IQCM: variants seen among roughly 807,000 people sequenced by gnomAD.
The protein encoded by IQCM is IQ motif containing M, also known as IQ domain-containing protein M.
IQCM carries 45 observed loss-of-function variants against 57.6 expected under a neutral mutation model. The ratio of observed to expected loss-of-function variants is 0.78; its 90% CI spans 0.62 to 1.00. The LOEUF is 1.00. Ranked by LOEUF, IQCM falls within the 50% of genes least tolerant of loss-of-function variation. The pLI, the probability that IQCM is intolerant of heterozygous loss-of-function variation, is 0.00. For missense variants in IQCM, 468 were observed against 511.6 expected (o/e 0.91, Z 0.82); for synonymous variants, 148 against 158.9 (o/e 0.93, Z 0.51).
intron 7 of IQCM, among the ~76,000 whole-genome samples, chr4:149,637,112 C>T (rs1014268065): frequency 7.0e-5 from 10 of 143,040 alleles, no homozygotes; most frequent in African/African-American, 2.6e-4. Flanking sequence ...CACTGCAGTC[C>T]GCAGTCCGGC....
chr4:149,502,417 C>T (rs942998851), intron 12 of IQCM, among the ~76,000 whole-genome samples: 14 of 152,178 alleles, frequency 9.2e-5, no homozygotes, highest in African/African-American at 3.4e-4. Context: ...GATTTAAACC[C>T]AACACTTTGG....
chr4:149,726,739 A>G (rs1765978642), intron 5 of IQCM, among the ~76,000 whole-genome samples: 1 of 152,134 alleles, frequency 6.6e-6, no homozygotes, highest in South Asian at 2.1e-4. Flanking sequence ...TGAAGATTTA[A>G]TATGAAAAAT....
intron 13 of IQCM, among the ~76,000 whole-genome samples, chr4:149,407,961 C>T (rs1002563926): frequency 5.3e-5 from 8 of 152,140 alleles, no homozygotes; most frequent in Non-Finnish European, 1.0e-4. Flanking sequence ...TTCCCACCTA[C>T]AGTGTATAAG....
intron 12 of IQCM, among the ~76,000 whole-genome samples, chr4:149,510,273 C>G (rs546209592): frequency 1.3e-5 from 2 of 152,196 alleles, no homozygotes; most frequent in Non-Finnish European, 2.9e-5. Context: ...ATGTACTCTT[C>G]TGGGAAATTC....
intron 8 of IQCM, among the ~76,000 whole-genome samples, chr4:149,590,760 G>A (rs1753079378): frequency 6.6e-6 from 1 of 152,008 alleles, no homozygotes; most frequent in Non-Finnish European, 1.5e-5. Context: ...CTTCATCCAT[G>A]TCCCTGCAAA....
intron 5 of IQCM, among the ~76,000 whole-genome samples, chr4:149,720,676 G>A (rs758237587): frequency 6.6e-6 from 1 of 152,120 alleles, no homozygotes; most frequent in Non-Finnish European, 1.5e-5. Flanking sequence ...GCAAGCAAAA[G>A]AAAATTCCTG....
At chr4:149,704,318 A>G (rs1763993986) in intron 5 of IQCM, among the ~76,000 whole-genome samples, 1 of 151,892 alleles carries the variant, frequency 6.6e-6, no homozygotes, top group Non-Finnish European at 1.5e-5. Context: ...TATGATACCA[A>G]TGGGTTAGAA....
intron 2 of IQCM, among the ~76,000 whole-genome samples, chr4:149,787,637 T>C (rs985614001): frequency 6.6e-6 from 1 of 152,146 alleles, no homozygotes; most frequent in African/African-American, 2.4e-5. Context: ...GATATCCATA[T>C]GCAGAAGAAT....
intron 7 of IQCM, among the ~76,000 whole-genome samples, chr4:149,675,334 T>C (rs1482197284): frequency 6.6e-6 from 1 of 151,572 alleles, no homozygotes; most frequent in Non-Finnish European, 1.5e-5. Flanking sequence ...GGGAGAATGG[T>C]TTGGAAACAG....
At position 149,685,422 on chromosome 4, in the gene IQCM, T is replaced by C. The variant is rs1303500093; in HGVS notation, c.476+956A>G. ...TTCTTTTCCTTTGTAATTAATATCTTCCCTTATCATGGGTATAACCAAACC... is the reference window on the plus strand; with the variant it reads ...TTCTTTTCCTTTGTAATTAATATCTCCCCTTATCATGGGTATAACCAAACC... On this transcript the variant is annotated intron_variant, in intron 6 of 13. Coordinates refer to ENST00000636793, the MANE Select transcript of IQCM (RefSeq NM_001363507.2). Among the ~76,000 whole-genome samples the C allele has an allele frequency of 2.1e-4, 32 of 151,520 alleles. No individual in the cohort carries two copies. In the Admixed American group the frequency reaches 2.1e-3, roughly 10 times the overall value.
At chr4:149,501,067 G>T (rs1397394312) in intron 12 of IQCM, among the ~76,000 whole-genome samples, 1 of 152,110 alleles carries the variant, frequency 6.6e-6, no homozygotes, top group Non-Finnish European at 1.5e-5. Context: ...AATACTTAAA[G>T]CTTTTTCCCT....
intron 8 of IQCM, among the ~76,000 whole-genome samples, chr4:149,595,698 A>G (rs1248450823): frequency 3.3e-5 from 5 of 152,098 alleles, no homozygotes; most frequent in Non-Finnish European, 2.9e-5. Flanking sequence ...TACCAAACAC[A>G]TCTTTCTGAG....
At chr4:149,520,352 C>CTTT (rs1270764365) in intron 12 of IQCM, among the ~76,000 whole-genome samples, 1 of 151,680 alleles carries the variant, frequency 6.6e-6, no homozygotes, top group Non-Finnish European at 1.5e-5. Context: ...ATGAAGAACA[C>CTTT]GTTCCTGTTT....
At chr4:149,717,357 G>T (rs1013971468) in intron 5 of IQCM, among the ~76,000 whole-genome samples, 1 of 152,134 alleles carries the variant, frequency 6.6e-6, no homozygotes, top group Admixed American at 6.5e-5. Context: ...AGAACTGCTT[G>T]GTGTGTGAGG....
At chr4:149,416,118 TA>T (rs201468541) in intron 13 of IQCM, among the ~76,000 whole-genome samples, 7 of 151,966 alleles carry the variant, frequency 4.6e-5, no homozygotes, top group Non-Finnish European at 1.0e-4. Flanking sequence ...TTATGACCCA[TA>T]AAAAAACCTG....
At chr4:149,482,368 A>T (rs536072573) in intron 12 of IQCM, among the ~76,000 whole-genome samples, 1 of 152,004 alleles carries the variant, frequency 6.6e-6, no homozygotes, top group African/African-American at 2.4e-5. Flanking sequence ...GGTCTTAGAG[A>T]AAAGGGTTTC....
chr4:149,658,179 C>G (rs931831736), intron 7 of IQCM, among the ~76,000 whole-genome samples: 1 of 151,760 alleles, frequency 6.6e-6, no homozygotes, highest in Non-Finnish European at 1.5e-5. Context: ...TACTGTTGTA[C>G]GTTAAGAGGT....
At chr4:149,701,791 T>A (rs913029466) in intron 5 of IQCM, among the ~76,000 whole-genome samples, 1 of 152,038 alleles carries the variant, frequency 6.6e-6, no homozygotes, top group Non-Finnish European at 1.5e-5. Context: ...CAGAACTTTA[T>A]CAAGAATCAC....
intron 12 of IQCM, among the ~76,000 whole-genome samples, chr4:149,433,977 C>G (rs1233954684): frequency 6.6e-6 from 1 of 151,988 alleles, no homozygotes; most frequent in Admixed American, 6.6e-5. Flanking sequence ...AATTAATATT[C>G]CTAGGCTATG....
Sources: gnomAD v4.1 joint callset for allele counts (sites outside exome capture counted in the v4.1 genomes callset) on GRCh38, gnomAD v4.1.1 for gene constraint, MANE v1.5 for transcripts, NCBI Gene and HGNC (gene_info 2026-07-23, HGNC 2026-07-21) for gene names.